The following DDX23 variants were observed in gnomAD, a reference collection of about 807,000 sequenced individuals.
DDX23 encodes the protein probable ATP-dependent RNA helicase DDX23.
A neutral mutation model predicts 102.7 loss-of-function variants in DDX23; 33 were observed. The ratio of observed to expected loss-of-function variants is 0.32; its 90% confidence interval spans 0.24 to 0.43. The LOEUF is 0.43. Among genes scored for constraint, DDX23 ranks in the 20% least tolerant of loss-of-function variants. DDX23 has a pLI of 1.00. For missense variants in DDX23, 549 were observed against 1,086.6 expected (o/e 0.51, Z 6.96); for synonymous variants, 352 against 376.0 (o/e 0.94, Z 0.74).
intron 11 of DDX23, among the ~76,000 whole-genome samples, chr12:48,835,420 A>C (rs530931837): frequency 6.6e-6 from 1 of 152,224 alleles, no homozygotes; most frequent in South Asian, 2.1e-4. Context: ...TAAAAATGTA[A>C]AAATTAAGGA....
rs753267155 is a variant in DDX23, at chr12:48,845,629, T to C, written c.154A>G (p.Arg52Gly). The C allele has an allele frequency of 6.2e-7, 1 of 1,614,246 alleles. No homozygotes were observed. Among genetic ancestry groups the C allele is most frequent in the Admixed American group, 1.7e-5 (1 of 60,020 alleles). The change falls in exon 2 of 17, where the codon AGA (arginine) becomes GGA (glycine). Residue 52 changes from arginine (R) to glycine (G), a missense_variant. Coordinates refer to ENST00000308025, the MANE Select transcript of DDX23 (RefSeq NM_004818.3). Reference sequence around the variant, plus strand: ...CGAGAACGGCTGCCTCCTCGACGTCTATCCCTTGAACGATGCCGCTTTCTA... The same window carrying C: ...CGAGAACGGCTGCCTCCTCGACGTCCATCCCTTGAACGATGCCGCTTTCTA... ...KDRKRHRSRD[R>G]RRGGSRSRSR...
intron 15 of DDX23, 100 bp from the exon 16 acceptor site, chr12:48,831,416 G>T: frequency 8.8e-7 from 1 of 1,135,852 alleles, no homozygotes; most frequent in Non-Finnish European, 1.3e-6. Context: ...GTTGGAGAGA[G>T]CAGCAGAGTA....
chr12:48,837,973 T>C lies in DDX23; in HGVS notation c.588A>G (p.Lys196=). The change falls in exon 6 of 17, where the codon AAA becomes AAG. Residue 196 remains lysine, a synonymous_variant. Coordinates refer to ENST00000308025, the MANE Select transcript of DDX23 (RefSeq NM_004818.3). ...RMLEEERKKR[K]QFQDLGRKML... ...TCTTCCTGCCCAAGTCTTGGAACTG[T>C]TTCCTTTTCTTCCTCTCTTCTTCAA... is the stretch of plus-strand genomic sequence containing the variant. 1 of 1,613,560 alleles carries C rather than the reference T, an allele frequency of 6.2e-7. No homozygotes were observed. The highest frequency in any genetic ancestry group is 1.3e-5 in the African/African-American group (1 of 74,992).
intron 1 of DDX23, among the ~76,000 whole-genome samples, chr12:48,850,048 T>C (rs1234795391): frequency 6.6e-6 from 1 of 152,210 alleles, no homozygotes; most frequent in Non-Finnish European, 1.5e-5. Context: ...ATGGGGATCT[T>C]AGAAGAGCTT....
At chr12:48,842,844 GT>G (rs892789470) in intron 3 of DDX23, among the ~76,000 whole-genome samples, 3 of 152,226 alleles carry the variant, frequency 2.0e-5, no homozygotes, top group African/African-American at 7.2e-5. Flanking sequence ...TGGCGGTTTT[GT>G]GGAATAGAAA....
At chr12:48,839,971 A>G in intron 4 of DDX23, 42 bp downstream of exon 4, 2 of 1,611,916 alleles carry the variant, frequency 1.2e-6, no homozygotes, top group Non-Finnish European at 1.7e-6. Flanking sequence ...CAACAAAGCA[A>G]CGCACGAGTT....
chr12:48,831,369 C>A, intron 15 of DDX23, 53 bp from the exon 16 acceptor site: 4 of 1,578,290 alleles, frequency 2.5e-6, no homozygotes, highest in South Asian at 1.1e-5. Context: ...AGGAGAGACA[C>A]AGGAGTTCAG....
chr12:48,851,055 G>A (rs981080917), intron 1 of DDX23, among the ~76,000 whole-genome samples: 8 of 152,212 alleles, frequency 5.3e-5, no homozygotes, highest in Non-Finnish European at 1.2e-4. Flanking sequence ...TTGCAGGGCA[G>A]GGGCACATTC....
chr12:48,830,896 C>T lies in DDX23; in HGVS notation c.2240-204G>A, dbSNP rs1938376515. 6.6e-6 allele frequency among the ~76,000 whole-genome samples: 1 copy of T among 152,184 alleles called. No homozygotes were observed. Among genetic ancestry groups the T allele is most frequent in the African/African-American group, 2.4e-5 (1 of 41,430 alleles). ...CCTACTGACTGTGGTCCCTACCACA[C>T]TAAGACCCACAGCTGCCTAGCTTCA... On this transcript the variant is annotated intron_variant, in intron 16 of 16. Coordinates refer to ENST00000308025, the MANE Select transcript of DDX23 (RefSeq NM_004818.3). The surrounding 1 kb of genome is among the most constrained non-coding windows in gnomAD (Gnocchi z 4.9).
In DDX23 at chr12:48,839,924, G is replaced by A. The variant is rs1289167463; in HGVS notation, c.415-15C>T. 1 of 1,613,984 alleles carries A rather than the reference G, an allele frequency of 6.2e-7. No individual in the cohort carries two copies. Among genetic ancestry groups the A allele is most frequent in the Non-Finnish European group, 8.5e-7 (1 of 1,180,000 alleles). ...AATGGCTGGGCCTGAAGATAAAACA[G>A]AACTTTAGTCTATAAAGGCTCTCTC... On this transcript the variant is annotated splice_polypyrimidine_tract_variant and intron_variant, in intron 4 of 16. Transcript: ENST00000308025.
chr12:48,842,460 C>T (rs1938578330), intron 3 of DDX23, among the ~76,000 whole-genome samples: 1 of 140,358 alleles, frequency 7.1e-6, no homozygotes, highest in African/African-American at 2.7e-5. Flanking sequence ...GGGGGGTCAG[C>T]CCCCCGCCCG....
At chr12:48,833,118 G>A (rs959906568) in intron 13 of DDX23, among the ~76,000 whole-genome samples, 159 bp downstream of exon 13, 1 of 152,116 alleles carries the variant, frequency 6.6e-6, no homozygotes, top group Non-Finnish European at 1.5e-5. Flanking sequence ...TGAGTGGCTG[G>A]CACCACAGGT....
chr12:48,834,233 T>C (rs1325042226), intron 12 of DDX23, 87 bp downstream of exon 12: 3 of 1,313,974 alleles, frequency 2.3e-6, no homozygotes, highest in African/African-American at 3.0e-5. Flanking sequence ...TTCTTCATAC[T>C]ACTGCACATA....
chr12:48,842,161 C>CTGGGAAGTGAGGAG, intron 3 of DDX23, among the ~76,000 whole-genome samples: 4 of 151,652 alleles, frequency 2.6e-5, no homozygotes, highest in African/African-American at 7.2e-5. Flanking sequence ...GCCACCCCGT[C>CTGGGAAGTGAGGAG]CGGGAGGGAG....
Position 48,838,063 on chromosome 12 carries a change from T to C in DDX23, c.498A>G (p.Lys166=), listed in dbSNP as rs946528262. 6.2e-7 allele frequency: 1 copy of C among 1,614,108 alleles called. No homozygotes were observed. The highest frequency in any genetic ancestry group is 8.5e-7 in the Non-Finnish European group (1 of 1,180,058). ...TTAGAGCTTCAGCCTCTCGTTCTGC[T>C]TTAGAGAGGAACTTGGGCTACAAAA... ...EAEAKPKFLS[K]AEREAEALKR... is the part of the protein sequence containing the mutation. The change falls in exon 6 of 17, where the codon AAA becomes AAG. Residue 166 remains lysine (K), a synonymous_variant. Transcript: ENST00000308025.
At chr12:48,842,038 C>T (rs551847396) in intron 3 of DDX23, among the ~76,000 whole-genome samples, 2 of 151,890 alleles carry the variant, frequency 1.3e-5, no homozygotes, top group East Asian at 3.9e-4. Flanking sequence ...ACAACCGCCC[C>T]GTCTGAGAAG....
In DDX23 at chr12:48,845,597, A is replaced by G. The variant is rs938942032; in HGVS notation, c.186T>C (p.Arg62=). 6.2e-7 allele frequency: 1 copy of G among 1,614,244 alleles called. No homozygotes were observed. The highest frequency in any genetic ancestry group is 1.3e-5 in the African/African-American group (1 of 75,066). Residue 62 remains arginine, a synonymous_variant, in exon 2 of 17, where the codon CGT becomes CGC. Coordinates refer to ENST00000308025, the MANE Select transcript of DDX23 (RefSeq NM_004818.3). ...ACCTTTCTGCAGATTTGGAACGGGA[A>G]CGAGAGCGAGAACGGCTGCCTCCTC... The part of the protein sequence containing the change: ...RRRGGSRSRS[R]SRSKSAERER...
At chr12:48,837,416 G>T (rs373444963) in intron 7 of DDX23, 23 bp from the exon 8 acceptor site, 10 of 1,613,158 alleles carry the variant, frequency 6.2e-6, no homozygotes, top group African/African-American at 1.3e-5. Context: ...AGAACACAAA[G>T]CACATGAGCT....
intron 8 of DDX23, 24 bp downstream of exon 8, chr12:48,837,257 G>C (rs766408236): frequency 1.2e-6 from 2 of 1,608,748 alleles, no homozygotes; most frequent in Admixed American, 1.7e-5. Flanking sequence ...AAAAGACCTA[G>C]AACTCAGGCC....
Sources: allele counts gnomAD v4.1 joint callset (sites outside exome capture counted in the v4.1 genomes callset), GRCh38; gene constraint gnomAD v4.1.1; non-coding constraint Gnocchi (gnomAD v3.1); transcripts MANE v1.5; gene names NCBI Gene and HGNC (gene_info 2026-07-23, HGNC 2026-07-21).